The following POGLUT2 variants were observed in gnomAD, a reference collection of about 807,000 sequenced individuals.
POGLUT2 encodes ER protein 58.
POGLUT2 carries 47 observed loss-of-function variants against 57.6 expected under a neutral mutation model. The observed-to-expected ratio is 0.82, with a 90% CI of 0.65 to 1.04. The LOEUF is 1.04. Ranked by LOEUF, POGLUT2 falls within the 50% of genes least tolerant of loss-of-function variation. The pLI, the probability that POGLUT2 is intolerant of heterozygous loss-of-function variation, is 0.00. For missense variants in POGLUT2, 565 were observed against 614.8 expected (o/e 0.92, Z 0.86); for synonymous variants, 200 against 218.8 (o/e 0.91, Z 0.76).
Position 102,787,921 on chromosome 13 carries a change from G to T in POGLUT2, c.1296C>A (p.Ala432=). The part of the protein sequence containing the change: ...LKWAKDHDEE[A]KKIAKAGQEF... ...CTTGTCCTGCTTTTGCTATCTTTTTGGCCTACAGGAAGAACAACGACAAAA... is the reference window on the plus strand; with the variant it reads ...CTTGTCCTGCTTTTGCTATCTTTTTTGCCTACAGGAAGAACAACGACAAAA... The change falls in exon 8 of 10, where the codon GCC becomes GCA. Residue 432 remains alanine (A), a splice_region_variant and synonymous_variant. Coordinates refer to ENST00000376004, the MANE Select transcript of POGLUT2 (RefSeq NM_024089.3). 1 of 1,584,610 alleles carries T rather than the reference G, an allele frequency of 6.3e-7. No homozygotes were observed. The highest frequency in any genetic ancestry group is 8.6e-7 in the Non-Finnish European group (1 of 1,159,978).
In POGLUT2 at chr13:102,796,984, C is replaced by G. The variant is rs749229485; in HGVS notation, c.208G>C (p.Val70Leu). The G allele has an allele frequency of 2.2e-5, 36 of 1,612,748 alleles. No individual in the cohort carries two copies. The highest frequency in any genetic ancestry group is 3.1e-5 in the Non-Finnish European group (36 of 1,179,470). Residue 70 changes from valine to leucine, a missense_variant, in exon 2 of 10, where the codon GTC (valine) becomes CTC (leucine). Val to Leu is a conservative substitution (Grantham distance 32, BLOSUM62 1). Coordinates refer to ENST00000376004, the MANE Select transcript of POGLUT2 (RefSeq NM_024089.3). Reference protein sequence around the residue: ...NKFTSSPGEKVFQVKVSAPEE... With the variant: ...NKFTSSPGEKLFQVKVSAPEE... ...GGTGCTGAGACTTTCACCTGGAAGA[C>G]CTTTTCGCCTGGAGAAGATGTGAAT...
chr13:102,786,057 C>T (rs1001249005), intron 9 of POGLUT2, among the ~76,000 whole-genome samples, 175 bp downstream of exon 9: 1 of 152,342 alleles, frequency 6.6e-6, no homozygotes, highest in African/African-American at 2.4e-5. Context: ...TTGTAGCATC[C>T]TTTCTTGAGC....
chr13:102,791,209 C>T, intron 5 of POGLUT2, 49 bp downstream of exon 5: 2 of 1,603,198 alleles, frequency 1.2e-6, no homozygotes, highest in South Asian at 2.2e-5. Flanking sequence ...AAAGAACTCA[C>T]CAAAGAAAGA....
At chr13:102,796,604 C>T (rs560379503) in intron 2 of POGLUT2, among the ~76,000 whole-genome samples, 200 bp downstream of exon 2, 3 of 149,224 alleles carry the variant, frequency 2.0e-5, no homozygotes, top group East Asian at 1.9e-4. Context: ...TCAGAATTTC[C>T]GTTCAAATCT....
chr13:102,784,889 GATAA>G (rs1443266620), intron 9 of POGLUT2, among the ~76,000 whole-genome samples: 1 of 152,216 alleles, frequency 6.6e-6, no homozygotes, highest in African/African-American at 2.4e-5. Flanking sequence ...CGTAGATGAA[GATAA>G]ATAACTGAGC....
chr13:102,794,100 G>A (rs1334540425), intron 2 of POGLUT2, among the ~76,000 whole-genome samples: 3 of 151,964 alleles, frequency 2.0e-5, no homozygotes, highest in African/African-American at 2.4e-5. Flanking sequence ...AGCTGGGTGC[G>A]TTGGCATGCA....
chr13:102,793,918 G>A (rs1456477045), intron 2 of POGLUT2, 112 bp from the exon 3 acceptor site: 1 of 903,668 alleles, frequency 1.1e-6, no homozygotes, highest in African/African-American at 1.7e-5. Flanking sequence ...TACATAGGAA[G>A]AGCATTTTCA....
At chr13:102,794,612 C>T (rs1212587716) in intron 2 of POGLUT2, among the ~76,000 whole-genome samples, 3 of 152,126 alleles carry the variant, frequency 2.0e-5, no homozygotes, top group Middle Eastern at 3.2e-3. Context: ...TTGCAGTGAG[C>T]GGAGATTGTG....
In POGLUT2 at chr13:102,784,527, C is replaced by T. The variant is rs567206080; in HGVS notation, c.1492-15G>A. On this transcript the variant is annotated splice_polypyrimidine_tract_variant and intron_variant, in intron 9 of 9. Coordinates refer to ENST00000376004, the MANE Select transcript of POGLUT2 (RefSeq NM_024089.3). The stretch of plus-strand genomic sequence containing the variant: ...TCATCTTTGGTCTGCAATTAAGAAG[C>T]AAAATATTTAGAGCTATCAAGAAGT... The T allele has an allele frequency of 6.7e-6, 10 of 1,490,756 alleles. No homozygotes were observed. Among genetic ancestry groups the T allele is most frequent in the South Asian group, 1.1e-5 (1 of 87,244 alleles). The allele number at this position is 1,490,756 out of a possible 1,614,324, so 92.3% of individuals were successfully genotyped here.
Position 102,798,625 on chromosome 13 carries a change from G to T in POGLUT2, c.46C>A (p.Pro16Thr). ...LLYCFFLATVPALAETGGERQ... is the reference protein window; with the variant it reads ...LLYCFFLATVTALAETGGERQ... Reference sequence around the variant, plus strand: ...TCTCCGCCGGTCTCGGCGAGTGCTGGAACTGTCGCCAGAAAGAAGCAATAA... The same window carrying T: ...TCTCCGCCGGTCTCGGCGAGTGCTGTAACTGTCGCCAGAAAGAAGCAATAA... The change falls in exon 1 of 10, where the codon CCA becomes ACA. Residue 16 changes from proline to threonine, a missense_variant. Physicochemically the swap from Pro to Thr is conservative, Grantham distance 38. Transcript: ENST00000376004. The T allele has an allele frequency of 6.2e-7, 1 of 1,611,210 alleles. No homozygotes were observed. Among genetic ancestry groups the T allele is most frequent in the East Asian group, 2.2e-5 (1 of 44,696 alleles).
intron 9 of POGLUT2, among the ~76,000 whole-genome samples, chr13:102,785,269 T>C (rs1355596429): frequency 2.6e-5 from 4 of 152,204 alleles, no homozygotes; most frequent in Non-Finnish European, 5.9e-5. Context: ...AGTGAGCTCA[T>C]ATAAGCTGGT....
chr13:102,794,980 T>G (rs930758992), intron 2 of POGLUT2, among the ~76,000 whole-genome samples: 17 of 150,646 alleles, frequency 1.1e-4, no homozygotes, highest in African/African-American at 4.2e-4. Context: ...GTAGGCTGGG[T>G]TCTTGGCTCA....
intron 9 of POGLUT2, among the ~76,000 whole-genome samples, chr13:102,785,414 C>A (rs1315918850): frequency 1.3e-5 from 2 of 149,960 alleles, no homozygotes; most frequent in Admixed American, 6.7e-5. Context: ...ATTCAGAAAC[C>A]TAATTATGTT....
In POGLUT2 at chr13:102,791,442, A is replaced by G. The variant is rs1878175155; in HGVS notation, c.673-12T>C. ...TCTGGCATCTTCACCTAGAAAAAAC[A>G]AAACGAGGAGCTTATTCACATTTCC... On this transcript the variant is annotated splice_polypyrimidine_tract_variant and intron_variant, in intron 4 of 9. Coordinates refer to ENST00000376004, the MANE Select transcript of POGLUT2 (RefSeq NM_024089.3). 1 of 1,572,590 alleles carries G rather than the reference A, an allele frequency of 6.4e-7. No individual in the cohort carries two copies. The highest frequency in any genetic ancestry group is 8.6e-7 in the Non-Finnish European group (1 of 1,166,422).
chr13:102,796,309 A>ATAAAAAAT (rs1353968476), intron 2 of POGLUT2, among the ~76,000 whole-genome samples: 3 of 125,986 alleles, frequency 2.4e-5, no homozygotes, highest in Non-Finnish European at 4.8e-5. Context: ...AAAAAAAAAA[A>ATAAAAAAT]AAATAAATAA....
At chr13:102,790,832 C>T in intron 6 of POGLUT2, 69 bp downstream of exon 6, 1 of 1,065,636 alleles carries the variant, frequency 9.4e-7, no homozygotes, top group East Asian at 2.4e-5. Context: ...GCCTTAATTT[C>T]CCTTCCCAAA....
chr13:102,798,497 T>G lies in POGLUT2; in HGVS notation c.174A>C (p.Ser58=), dbSNP rs1480607824. Residue 58 remains serine (S), a synonymous_variant, in exon 1 of 10, where the codon TCA becomes TCC. Coordinates refer to ENST00000376004, the MANE Select transcript of POGLUT2 (RefSeq NM_024089.3). The part of the protein sequence containing the change: ...RYFYIQAVDT[S]GNKFTSSPGE... The stretch of plus-strand genomic sequence containing the variant: ...GCCGTTTCTCGACTTACTTATTCCC[T>G]GATGTATCCACTGCCTGAATATAGA... 1 of 1,598,508 alleles carries G rather than the reference T, an allele frequency of 6.3e-7. No homozygotes were observed. The highest frequency in any genetic ancestry group is 1.7e-5 in the Admixed American group (1 of 58,060).
Position 102,786,219 on chromosome 13 carries a change from C to T in POGLUT2, c.1491+13G>A, listed in dbSNP as rs780368435. The stretch of plus-strand genomic sequence containing the variant: ...TTTACTCTGACACCGGCCATAAGCT[C>T]AGTTCTGGTTACCTTTTTCCTATGG... On this transcript the variant is annotated intron_variant, in intron 9 of 9. Coordinates refer to ENST00000376004, the MANE Select transcript of POGLUT2 (RefSeq NM_024089.3). 1 of 1,547,626 alleles carries T rather than the reference C, an allele frequency of 6.5e-7. No individual in the cohort carries two copies. The highest frequency in any genetic ancestry group is 1.1e-5 in the South Asian group (1 of 89,550).
Position 102,798,525 on chromosome 13 carries a change from T to C in POGLUT2, c.146A>G (p.Tyr49Cys), listed in dbSNP as rs1053393812. 28 of 1,612,064 alleles carry C rather than the reference T, an allele frequency of 1.7e-5. No homozygotes were observed. The highest frequency in any genetic ancestry group is 2.3e-5 in the Non-Finnish European group (27 of 1,179,126). Residue 49 changes from tyrosine to cysteine, a missense_variant, in exon 1 of 10, where the codon TAT becomes TGT. By Grantham distance (194) the Tyr-to-Cys change is radical (BLOSUM62 -2). Coordinates refer to ENST00000376004, the MANE Select transcript of POGLUT2 (RefSeq NM_024089.3). ...TGTATCCACTGCCTGAATATAGAAA[T>C]AGCGGGCGGGAAGGACGACGTCTGC... ...LKADVVLPAR[Y>C]FYIQAVDTSG...
Sources: gnomAD v4.1 joint callset for allele counts (sites outside exome capture counted in the v4.1 genomes callset) on GRCh38, gnomAD v4.1.1 for gene constraint, MANE v1.5 for transcripts, NCBI Gene and HGNC (gene_info 2026-07-23, HGNC 2026-07-21) for gene names.